CDC14B: variants seen among roughly 807,000 people sequenced by gnomAD.
CDC14B encodes dual specificity protein phosphatase CDC14B.
A neutral mutation model predicts 64.2 loss-of-function variants in CDC14B; 22 were observed. The ratio of observed to expected loss-of-function variants is 0.34; its 90% CI spans 0.24 to 0.49. The LOEUF is 0.49. Among genes scored for constraint, CDC14B ranks in the 20% least tolerant of loss-of-function variants. The probability of loss-of-function intolerance (pLI) is 0.99; values close to 1 mark genes in which losing one functional copy is unlikely to be tolerated. For missense variants in CDC14B, 498 were observed against 629.9 expected (o/e 0.79, Z 2.24); for synonymous variants, 191 against 215.8 (o/e 0.89, Z 1.01).
chr9:96,574,928 C>A (rs550013010), intron 1 of CDC14B, among the ~76,000 whole-genome samples: 5 of 152,218 alleles, frequency 3.3e-5, no homozygotes, highest in Admixed American at 2.0e-4. Flanking sequence ...GATGAAGAAG[C>A]CTAACTATCC....
intron 1 of CDC14B, among the ~76,000 whole-genome samples, chr9:96,612,360 C>A (rs1847376429): frequency 6.6e-6 from 1 of 152,248 alleles, no homozygotes; most frequent in African/African-American, 2.4e-5. Flanking sequence ...GCCCTTTGTC[C>A]TCGCAGCTGC....
At chr9:96,567,662 G>A (rs1434666724) in intron 1 of CDC14B, among the ~76,000 whole-genome samples, 1 of 152,190 alleles carries the variant, frequency 6.6e-6, no homozygotes, top group Non-Finnish European at 1.5e-5. Context: ...AGAGTAGAAG[G>A]ATGGTTATCG....
intron 12 of CDC14B, among the ~76,000 whole-genome samples, chr9:96,513,216 T>A (rs947288982): frequency 2.0e-5 from 3 of 152,176 alleles, no homozygotes; most frequent in Non-Finnish European, 2.9e-5. Flanking sequence ...AGAACTTGAG[T>A]GTATTAACCA....
chr9:96,599,273 C>T (rs546989976), intron 1 of CDC14B, among the ~76,000 whole-genome samples: 4 of 151,848 alleles, frequency 2.6e-5, no homozygotes, highest in African/African-American at 9.7e-5. Flanking sequence ...CCCAGCTACT[C>T]GGGAAGCTGA....
intron 1 of CDC14B, among the ~76,000 whole-genome samples, chr9:96,606,968 A>C (rs995051990): frequency 5.9e-5 from 9 of 151,872 alleles, no homozygotes; most frequent in African/African-American, 2.2e-4. Flanking sequence ...CAGGAAATGG[A>C]GGCTGCTATG....
downstream of CDC14B, among the ~76,000 whole-genome samples, chr9:96,495,127 C>T (rs1430651111): frequency 1.3e-5 from 2 of 152,126 alleles, no homozygotes; most frequent in African/African-American, 4.8e-5. Context: ...AGCCACCGCG[C>T]CTGGCCTGAA....
chr9:96,544,270 A>C (rs948573891), intron 5 of CDC14B, among the ~76,000 whole-genome samples: 7 of 152,206 alleles, frequency 4.6e-5, no homozygotes, highest in African/African-American at 1.7e-4. Context: ...AAAAACTATA[A>C]GTTATACATT....
chr9:96,494,991 C>T (rs909196388), intron 13 of CDC14B, among the ~76,000 whole-genome samples: 6 of 151,564 alleles, frequency 4.0e-5, no homozygotes, highest in East Asian at 1.9e-4. Flanking sequence ...CCTGCCACCA[C>T]GCCCGGCTAA....
At position 96,619,290 on chromosome 9, in the gene CDC14B, T is replaced by C; in HGVS notation, c.89A>G (p.Lys30Arg). The change falls in exon 1 of 14, where the codon AAG becomes AGG. Residue 30 changes from lysine (K) to arginine (R), a missense_variant. Transcript: ENST00000375241. Reference sequence around the variant, plus strand: ...GTCTTGCTGCGTGGAGCTGCGGATCTTCTTCACACCCGGCGAGGTCGACGA... The same window carrying C: ...GTCTTGCTGCGTGGAGCTGCGGATCCTCTTCACACCCGGCGAGGTCGACGA... ...RCSSTSPGVKKIRSSTQQDPR... is the reference protein window; with the variant it reads ...RCSSTSPGVKRIRSSTQQDPR... 1.5e-6 allele frequency: 2 copies of C among 1,344,392 alleles called. No individual in the cohort carries two copies. The highest frequency in any genetic ancestry group is 2.4e-5 in the South Asian group (1 of 41,748). 83.3% of individuals were successfully genotyped at this position (1,344,392 alleles called of 1,614,324 possible). A position where few individuals can be genotyped will look rare whatever the true frequency, so the allele number is the denominator to read the frequency against.
chr9:96,521,598 T>A (rs1836727564), intron 12 of CDC14B, among the ~76,000 whole-genome samples: 1 of 152,176 alleles, frequency 6.6e-6, no homozygotes, highest in Non-Finnish European at 1.5e-5. Context: ...TACTTCAGAA[T>A]TTTTATGACG....
chr9:96,604,678 G>T (rs1846758214), intron 1 of CDC14B, among the ~76,000 whole-genome samples: 1 of 150,196 alleles, frequency 6.7e-6, no homozygotes, highest in Non-Finnish European at 1.5e-5. Context: ...CGGGGGGCGG[G>T]GCAGGAGGGG....
At chr9:96,540,373 C>T (rs1315482355) in intron 6 of CDC14B, among the ~76,000 whole-genome samples, 1 of 152,060 alleles carries the variant, frequency 6.6e-6, no homozygotes, top group East Asian at 1.9e-4. Flanking sequence ...TGGTGCACGC[C>T]TGTAATCCCA....
At chr9:96,549,261 TCTA>T (rs1291966245) in intron 5 of CDC14B, among the ~76,000 whole-genome samples, 2 of 152,212 alleles carry the variant, frequency 1.3e-5, no homozygotes, top group Non-Finnish European at 1.5e-5. Flanking sequence ...TCAAATTTCT[TCTA>T]CTATTTGATT....
At position 96,515,851 on chromosome 9, in the gene CDC14B, C is replaced by T. The variant is rs979556205; in HGVS notation, c.1344-6062G>A. 137 of 1,469,138 alleles carry T rather than the reference C, an allele frequency of 9.3e-5. No individual in the cohort carries two copies. The highest frequency in any genetic ancestry group is 5.2e-4 in the Middle Eastern group (3 of 5,788). 91.0% of individuals were successfully genotyped at this position (1,469,138 alleles called of 1,614,324 possible). A position where few individuals can be genotyped will look rare whatever the true frequency, so the allele number is the denominator to read the frequency against. On this transcript the variant is annotated intron_variant, in intron 12 of 13. Transcript: ENST00000375241. The surrounding 1 kb of genome is among the most constrained non-coding windows in gnomAD (Gnocchi z 4.3). ...CAAATTGGGAAGCCAAAATAAATTA[C>T]GCAATCATCAATCAATCAAGCCATA...
At chr9:96,532,064 C>A (rs1838576015) in intron 9 of CDC14B, among the ~76,000 whole-genome samples, 1 of 151,836 alleles carries the variant, frequency 6.6e-6, no homozygotes, top group Non-Finnish European at 1.5e-5. Flanking sequence ...AGTTAGGGGT[C>A]TATTCAGATT....
At chr9:96,596,176 A>G (rs1277755248) in intron 1 of CDC14B, among the ~76,000 whole-genome samples, 3 of 152,088 alleles carry the variant, frequency 2.0e-5, no homozygotes, top group Non-Finnish European at 2.9e-5. Context: ...AGCCTGGCCA[A>G]CATGGTGAAA....
intron 12 of CDC14B, among the ~76,000 whole-genome samples, chr9:96,511,326 A>C (rs1464025374): frequency 6.6e-6 from 1 of 152,238 alleles, no homozygotes; most frequent in Non-Finnish European, 1.5e-5. Context: ...TAATCCTAGC[A>C]CTTTGAGAGG....
exon 14 of CDC14B, chr9:96,491,007 C>T (rs2131170259): frequency 1.3e-5 from 2 of 152,358 alleles, no homozygotes; most frequent in East Asian, 3.9e-4. Context: ...CTCAGAGGTT[C>T]AGTAATTCAC....
In CDC14B at chr9:96,502,212, A is replaced by G. The variant is rs950289663; in HGVS notation, c.*1541T>C. 5 of 152,092 alleles carry G rather than the reference A, an allele frequency of 3.3e-5. No homozygotes were observed. The highest frequency in any genetic ancestry group is 1.9e-4 in the East Asian group (1 of 5,182). The allele number at this position is 152,092 out of a possible 1,614,324, so 9.4% of individuals were successfully genotyped here. A position where few individuals can be genotyped will look rare whatever the true frequency, so the allele number is the denominator to read the frequency against. ...CCCCACCCGACAGTGCCTGGCGGGG[A>G]AAGAGTTGCTTGTTTGGCTGAGAAC... On this transcript the variant is annotated 3_prime_UTR_variant, in exon 14 of 14. Coordinates refer to ENST00000375241, the MANE Select transcript of CDC14B (RefSeq NM_033331.4).
Sources: gnomAD v4.1 joint callset for allele counts (sites outside exome capture counted in the v4.1 genomes callset) on GRCh38, gnomAD v4.1.1 for gene constraint, Gnocchi (gnomAD v3.1) non-coding constraint, MANE v1.5 for transcripts, NCBI Gene and HGNC (gene_info 2026-07-23, HGNC 2026-07-21) for gene names.